Variants in CSMD3 observed in about 807,000 individuals in gnomAD.
CSMD3 encodes the protein CUB and sushi domain-containing protein 3.
In CSMD3, 177 loss-of-function variants were observed where a neutral mutation model predicts 435.2. The ratio of observed to expected loss-of-function variants is 0.41; its 90% confidence interval spans 0.36 to 0.46. The LOEUF is 0.46. Ranked by LOEUF, CSMD3 falls within the 20% of genes least tolerant of loss-of-function variation. CSMD3 has a pLI of 0.34. For missense variants in CSMD3, 4,265 were observed against 4,504.6 expected (o/e 0.95, Z 1.52); for synonymous variants, 1,656 against 1,520.5 (o/e 1.09, Z -2.07).
At chr8:112,289,241 T>G (rs2130652495) in intron 57 of CSMD3, 124 bp downstream of exon 57, 2 of 859,690 alleles carry the variant, frequency 2.3e-6, no homozygotes, top group East Asian at 2.4e-5. Flanking sequence ...TCAGCTTTTC[T>G]TATGAGATTT....
intron 41 of CSMD3, among the ~76,000 whole-genome samples, chr8:112,343,351 C>A (rs1039714967): frequency 6.6e-6 from 1 of 152,004 alleles, no homozygotes; most frequent in Non-Finnish European, 1.5e-5. Context: ...CATCAGTATT[C>A]TATCAATGGA....
chr8:113,193,838 T>C (rs904331131), intron 3 of CSMD3, among the ~76,000 whole-genome samples: 1 of 151,378 alleles, frequency 6.6e-6, no homozygotes, highest in Non-Finnish European at 1.5e-5. Flanking sequence ...ATCTTGTTTA[T>C]GAATAAGTAT....
At position 112,304,799 on chromosome 8, in the gene CSMD3, G is replaced by C. The variant is rs1821264380; in HGVS notation, c.8188C>G (p.His2730Asp). Residue 2730 changes from histidine (H) to aspartate (D), a missense_variant, in exon 52 of 71, where the codon CAT becomes GAT. Coordinates refer to ENST00000297405, the MANE Select transcript of CSMD3 (RefSeq NM_198123.2). ...KVVFSCDPGY[H>D]GLGPASIECL... ...TCGATGGAGGCAGGACCTAGTCCAT[G>C]ATAACCAGGGTCACAGCTGAAAACT... 1.2e-6 allele frequency: 2 copies of C among 1,613,798 alleles called. No individual in the cohort carries two copies. Among genetic ancestry groups the C allele is most frequent in the Non-Finnish European group, 8.5e-7 (1 of 1,179,768 alleles).
chr8:112,355,032 A>G (rs1826461639), intron 38 of CSMD3, among the ~76,000 whole-genome samples: 1 of 152,208 alleles, frequency 6.6e-6, no homozygotes, highest in African/African-American at 2.4e-5. Flanking sequence ...GGAATAGAGA[A>G]CTAAGAAATA....
At chr8:112,371,313 T>C (rs1828369110) in intron 38 of CSMD3, among the ~76,000 whole-genome samples, 1 of 152,180 alleles carries the variant, frequency 6.6e-6, no homozygotes, top group South Asian at 2.1e-4. Context: ...ACAATTCCCA[T>C]ACAGAATACG....
chr8:112,761,555 T>C (rs1279994423), intron 13 of CSMD3, among the ~76,000 whole-genome samples: 3 of 152,128 alleles, frequency 2.0e-5, no homozygotes, highest in East Asian at 1.9e-4. Flanking sequence ...GATGTTAATA[T>C]TTGCCAAAAT....
chr8:112,509,658 T>C (rs956827538), intron 28 of CSMD3, among the ~76,000 whole-genome samples: 1 of 152,184 alleles, frequency 6.6e-6, no homozygotes, highest in Non-Finnish European at 1.5e-5. Flanking sequence ...TCTTCTAGTG[T>C]CTTTATACAG....
At chr8:112,452,107 G>A (rs1395436704) in intron 32 of CSMD3, among the ~76,000 whole-genome samples, 1 of 152,170 alleles carries the variant, frequency 6.6e-6, no homozygotes, top group Non-Finnish European at 1.5e-5. Flanking sequence ...TAGGAAGAAA[G>A]TGAGGTTTTA....
intron 13 of CSMD3, among the ~76,000 whole-genome samples, chr8:112,701,846 T>C (rs983158842): frequency 1.3e-5 from 2 of 152,158 alleles, no homozygotes; most frequent in African/African-American, 4.8e-5. Context: ...TGACATCTTC[T>C]CTGCCTGAAA....
intron 4 of CSMD3, among the ~76,000 whole-genome samples, chr8:113,114,533 G>C (rs2090764934): frequency 6.6e-6 from 1 of 152,132 alleles, no homozygotes. Flanking sequence ...CCCAGGTGCA[G>C]AAAGACCCTG....
chr8:112,805,838 A>G (rs2079072809), intron 12 of CSMD3, among the ~76,000 whole-genome samples: 2 of 152,138 alleles, frequency 1.3e-5, no homozygotes, highest in African/African-American at 4.8e-5. Flanking sequence ...TTCTCTAATC[A>G]TTTACAGAAA....
At chr8:113,330,560 C>G (rs1003543768) in intron 1 of CSMD3, among the ~76,000 whole-genome samples, 6 of 151,648 alleles carry the variant, frequency 4.0e-5, no homozygotes, top group African/African-American at 1.2e-4. Context: ...ATTTTAGGTA[C>G]AGAGGCACAA....
intron 30 of CSMD3, among the ~76,000 whole-genome samples, chr8:112,493,974 A>T (rs867780984): frequency 6.6e-6 from 1 of 152,148 alleles, no homozygotes; most frequent in Non-Finnish European, 1.5e-5. Flanking sequence ...AATATGAGTC[A>T]TGGAATCTTT....
intron 10 of CSMD3, among the ~76,000 whole-genome samples, chr8:112,902,593 T>A (rs1292459758): frequency 1.3e-5 from 2 of 151,236 alleles, no homozygotes; most frequent in African/African-American, 4.8e-5. Context: ...TCAGCGTTAG[T>A]CATGTTAAAA....
At chr8:113,423,438 T>A (rs1397822324) in intron 1 of CSMD3, among the ~76,000 whole-genome samples, 2 of 152,044 alleles carry the variant, frequency 1.3e-5, no homozygotes, top group Non-Finnish European at 2.9e-5. Context: ...GTCCATGTTA[T>A]GATATTGCTG....
chr8:112,229,424 CTTTTCTTT>C (rs1292500867), intron 69 of CSMD3, among the ~76,000 whole-genome samples: 1 of 150,882 alleles, frequency 6.6e-6, no homozygotes, highest in African/African-American at 2.4e-5. Flanking sequence ...TTTTCTTTTT[CTTTTCTTT>C]TTTTCTTTTT....
intron 38 of CSMD3, among the ~76,000 whole-genome samples, chr8:112,379,848 G>C (rs1829308225): frequency 6.6e-6 from 1 of 152,144 alleles, no homozygotes; most frequent in African/African-American, 2.4e-5. Context: ...GATGAACCTG[G>C]AGGACATTAC....
At chr8:112,331,146 G>A (rs1824015216) in intron 45 of CSMD3, among the ~76,000 whole-genome samples, 1 of 152,012 alleles carries the variant, frequency 6.6e-6, no homozygotes, top group African/African-American at 2.4e-5. Flanking sequence ...CTAATATAGT[G>A]ATGGCTATAC....
chr8:112,527,044 C>A (rs944366568), intron 27 of CSMD3, among the ~76,000 whole-genome samples: 1 of 151,550 alleles, frequency 6.6e-6, no homozygotes, highest in African/African-American at 2.4e-5. Context: ...AAAAAAGTAA[C>A]AATTAACAGG....
Sources: gnomAD v4.1 joint callset for allele counts (sites outside exome capture counted in the v4.1 genomes callset) on GRCh38, gnomAD v4.1.1 for gene constraint, MANE v1.5 for transcripts, NCBI Gene and HGNC (gene_info 2026-07-23, HGNC 2026-07-21) for gene names.